STRN: variants seen among roughly 807,000 people sequenced by gnomAD.
STRN encodes striatin.
Under a neutral mutation model 96.3 loss-of-function variants are expected in STRN, and 53 were observed. The ratio of observed to expected loss-of-function variants is 0.55; its 90% CI spans 0.44 to 0.69. The LOEUF is 0.69. STRN is among the 30% of genes least tolerant of loss of function. STRN has a pLI of 0.00. For missense variants in STRN, 987 were observed against 963.9 expected (o/e 1.02, Z -0.32); for synonymous variants, 428 against 355.9 (o/e 1.20, Z -2.28).
At position 36,885,531 on chromosome 2, in the gene STRN, A is replaced by G. The variant is rs1045769050; in HGVS notation, c.1042+1185T>C. Among the ~76,000 whole-genome samples, 5 of 152,112 alleles carry G rather than the reference A, an allele frequency of 3.3e-5. No homozygotes were observed. The East Asian group carries it at 9.6e-4, about 29-fold the overall frequency. ...TTATGTTTTAATATTAATCTTTCTC[A>G]TTCTGATTTAATCTATCTTGAGATA... On this transcript the variant is annotated intron_variant, in intron 8 of 17. Transcript: ENST00000263918.
intron 1 of STRN, among the ~76,000 whole-genome samples, chr2:36,959,482 T>C (rs1384984870): frequency 6.6e-6 from 1 of 152,212 alleles, no homozygotes; most frequent in Non-Finnish European, 1.5e-5. Context: ...AGTGACAGCT[T>C]GTACAAAACC....
chr2:36,855,999 G>C (rs2717504), intron 14 of STRN, among the ~76,000 whole-genome samples: 142,994 of 152,122 alleles, frequency 0.94, 67,848 homozygotes, highest in East Asian at 1. Context: ...CTACAGCAAG[G>C]TAACAGTTCA....
chr2:36,867,991 A>G (rs1668672683), intron 11 of STRN, 130 bp from the exon 12 acceptor site: 1 of 547,530 alleles, frequency 1.8e-6, no homozygotes, highest in Non-Finnish European at 3.0e-6. Flanking sequence ...ACGATACGTA[A>G]GAAAGCTTAC....
At chr2:36,933,309 A>C (rs1282754829) in intron 1 of STRN, among the ~76,000 whole-genome samples, 1 of 152,224 alleles carries the variant, frequency 6.6e-6, no homozygotes, top group East Asian at 1.9e-4. Flanking sequence ...ACCTTATATA[A>C]GAAAATTGGA....
intron 12 of STRN, among the ~76,000 whole-genome samples, chr2:36,861,737 A>AAG (rs1668486939): frequency 1.6e-4 from 1 of 6,190 alleles, no homozygotes; most frequent in South Asian, 0.028. Flanking sequence ...GTGAGCACAC[A>AAG]CACACACACA....
rs1667861466 is a variant in STRN, at chr2:36,838,047, A to C, written c.*11409T>G. 1.3e-5 allele frequency among the ~76,000 whole-genome samples: 2 copies of C among 152,232 alleles called. No homozygotes were observed. The highest frequency in any genetic ancestry group is 2.9e-5 in the Non-Finnish European group (2 of 68,042). ...CTTGGCAGATGTAATTAAAGCTACT[A>C]ATCAGTTGACCTTAACAATCTGGGT... On this transcript the variant is annotated 3_prime_UTR_variant, in exon 18 of 18. Coordinates refer to ENST00000263918, the MANE Select transcript of STRN (RefSeq NM_003162.4).
chr2:36,948,081 C>CTTTTTTTTTT lies in STRN; in HGVS notation c.234+18139_234+18148dup, dbSNP rs553351693. On this transcript the variant is annotated intron_variant, in intron 1 of 17. Coordinates refer to ENST00000263918, the MANE Select transcript of STRN (RefSeq NM_003162.4). ...TCTCCTCTATAATTATCAGTGCACT[C>CTTTTTTTTTT]TTTTTTTTTTTTTTTTTTTTTTTTT... 7.0e-4 allele frequency among the ~76,000 whole-genome samples: 48 copies of CTTTTTTTTTT among 68,138 alleles called. 12 individuals carry two copies. Among genetic ancestry groups the CTTTTTTTTTT allele is most frequent in the African/African-American group, 1.4e-3 (23 of 15,886 alleles). 44.7% of individuals were successfully genotyped at this position (68,138 alleles called of 152,430 possible).
intron 3 of STRN, among the ~76,000 whole-genome samples, chr2:36,914,648 C>A (rs534319433): frequency 6.6e-6 from 1 of 152,226 alleles, no homozygotes; most frequent in South Asian, 2.1e-4. Context: ...ATAAAATTGG[C>A]AGTACATTTA....
chr2:36,852,583 A>G (rs1446902591), intron 15 of STRN, among the ~76,000 whole-genome samples: 2 of 152,224 alleles, frequency 1.3e-5, no homozygotes, highest in African/African-American at 4.8e-5. Context: ...ATGTGACAAA[A>G]TGTTAAAAAC....
chr2:36,905,761 G>A (rs1669803702), intron 3 of STRN, 143 bp from the exon 4 acceptor site: 1 of 646,420 alleles, frequency 1.5e-6, no homozygotes, highest in African/African-American at 1.9e-5. Context: ...GATAATGTAA[G>A]TTCTGTTTTT....
rs567547738 is a variant in STRN, at chr2:36,844,865, C to T, written c.*4591G>A. Reference sequence around the variant, plus strand: ...TGTCCTTTGTTTTTAAACACAGATACGTTTTTCTGGGCCTTTCTCTAAAAT... The same window carrying T: ...TGTCCTTTGTTTTTAAACACAGATATGTTTTTCTGGGCCTTTCTCTAAAAT... On this transcript the variant is annotated 3_prime_UTR_variant, in exon 18 of 18. Coordinates refer to ENST00000263918, the MANE Select transcript of STRN (RefSeq NM_003162.4). The T allele has an allele frequency of 1.2e-4, 18 of 152,040 alleles. No homozygotes were observed. The highest frequency in any genetic ancestry group is 1.8e-4 in the Non-Finnish European group (12 of 67,984). 9.4% of individuals were successfully genotyped at this position (152,040 alleles called of 1,614,324 possible).
rs1664919206 is a variant in STRN, at chr2:36,957,539, G to C, written c.234+8691C>G. Among the ~76,000 whole-genome samples, 7 of 152,012 alleles carry C rather than the reference G, an allele frequency of 4.6e-5. No individual in the cohort carries two copies. The South Asian group carries it at 1.5e-3, about 32-fold the overall frequency. ...GAAGGCAGAGGTTGCAGTAAGCCAAGATCACACCACTGCACTCCAGCCTGG... is the reference window on the plus strand; with the variant it reads ...GAAGGCAGAGGTTGCAGTAAGCCAACATCACACCACTGCACTCCAGCCTGG... On this transcript the variant is annotated intron_variant, in intron 1 of 17. Coordinates refer to ENST00000263918, the MANE Select transcript of STRN (RefSeq NM_003162.4).
intron 1 of STRN, among the ~76,000 whole-genome samples, chr2:36,943,989 G>T (rs974216054): frequency 6.7e-6 from 1 of 149,800 alleles, no homozygotes; most frequent in Non-Finnish European, 1.5e-5. Flanking sequence ...ACGTGGTGGC[G>T]GGCACCTGTA....
chr2:36,926,754 T>C (rs1404788400), intron 1 of STRN, among the ~76,000 whole-genome samples: 1 of 152,150 alleles, frequency 6.6e-6, no homozygotes, highest in African/African-American at 2.4e-5. Flanking sequence ...GAAATAAAAG[T>C]GGTCTGAAAA....
At chr2:36,903,351 T>C (rs1290857827) in intron 4 of STRN, among the ~76,000 whole-genome samples, 1 of 152,222 alleles carries the variant, frequency 6.6e-6, no homozygotes, top group East Asian at 1.9e-4. Flanking sequence ...AGGCTTTGTA[T>C]TGAGAGCTAG....
chr2:36,957,750 T>C (rs866897858), intron 1 of STRN, among the ~76,000 whole-genome samples: 1 of 77,668 alleles, frequency 1.3e-5, no homozygotes, highest in East Asian at 4.4e-4. Flanking sequence ...TTGTCTTTTT[T>C]TTTTTTTTTT....
At position 36,840,394 on chromosome 2, in the gene STRN, T is replaced by C. The variant is rs923660786; in HGVS notation, c.*9062A>G. The C allele has an allele frequency of 1.3e-5, 2 of 152,166 alleles. No individual in the cohort carries two copies. Among genetic ancestry groups the C allele is most frequent in the Non-Finnish European group, 2.9e-5 (2 of 68,048 alleles). The allele number at this position is 152,166 out of a possible 1,614,324, so 9.4% of individuals were successfully genotyped here. A position where few individuals can be genotyped will look rare whatever the true frequency, so the allele number is the denominator to read the frequency against. On this transcript the variant is annotated 3_prime_UTR_variant, in exon 18 of 18. Coordinates refer to ENST00000263918, the MANE Select transcript of STRN (RefSeq NM_003162.4). Reference sequence around the variant, plus strand: ...GTTTTCACGCAGGCAGGACTGGAACTGTGCAGTATAAAGACGTTGCTACTC... The same window carrying C: ...GTTTTCACGCAGGCAGGACTGGAACCGTGCAGTATAAAGACGTTGCTACTC...
chr2:36,937,335 A>G (rs988737408), intron 1 of STRN, among the ~76,000 whole-genome samples: 2 of 109,178 alleles, frequency 1.8e-5, no homozygotes, highest in Non-Finnish European at 3.9e-5. Flanking sequence ...CAAGAGTGAG[A>G]CTGTCTCAAA....
chr2:36,931,669 T>C (rs1169504682), intron 1 of STRN, among the ~76,000 whole-genome samples: 2 of 152,202 alleles, frequency 1.3e-5, no homozygotes, highest in African/African-American at 2.4e-5. Flanking sequence ...TGTGTACCAG[T>C]AGCATATGTT....
Sources: gnomAD v4.1 joint callset for allele counts (sites outside exome capture counted in the v4.1 genomes callset) on GRCh38, gnomAD v4.1.1 for gene constraint, MANE v1.5 for transcripts, NCBI Gene and HGNC (gene_info 2026-07-23, HGNC 2026-07-21) for gene names.